The following PSMA5 variants were observed in gnomAD, a reference collection of about 807,000 sequenced individuals.
PSMA5 encodes proteasome 20S subunit alpha 5.
Under a neutral mutation model 34.5 loss-of-function variants are expected in PSMA5, and 3 were observed. The ratio of observed to expected loss-of-function variants is 0.09; its 90% CI spans 0.04 to 0.22. The LOEUF is 0.22. Among genes scored for constraint, PSMA5 ranks in the 10% least tolerant of loss-of-function variants. PSMA5 has a pLI of 1.00. For synonymous variants in PSMA5, 88 were observed against 95.8 expected, an observed-to-expected ratio of 0.92 and a Z score of 0.47; for missense variants, 120 against 286.1, an observed-to-expected ratio of 0.42 and a Z score of 4.19.
intron 2 of PSMA5, among the ~76,000 whole-genome samples, chr1:109,417,028 C>G (rs1654234353): frequency 6.6e-6 from 1 of 152,158 alleles, no homozygotes; most frequent in South Asian, 2.1e-4. Flanking sequence ...CTGCTTGAGC[C>G]CGGGAGGCAG....
At position 109,401,415 on chromosome 1, in the gene PSMA5, A is replaced by G. The variant is rs141226547; in HGVS notation, c.*598T>C. 3 of 152,318 alleles carry G rather than the reference A, an allele frequency of 2.0e-5. No homozygotes were observed. The highest frequency in any genetic ancestry group is 7.2e-5 in the African/African-American group (3 of 41,564). 9.4% of individuals were successfully genotyped at this position (152,318 alleles called of 1,614,324 possible). A position where few individuals can be genotyped will look rare whatever the true frequency, so the allele number is the denominator to read the frequency against. ...GATAGTCAATTAGTAGCATCTCCTT[A>G]TAAGAAAAGCAGCAAAAATACACGT... On this transcript the variant is annotated 3_prime_UTR_variant, in exon 9 of 9. Transcript: ENST00000271308.
At chr1:109,403,450 C>A (rs555141380) in intron 8 of PSMA5, among the ~76,000 whole-genome samples, 21 of 151,444 alleles carry the variant, frequency 1.4e-4, no homozygotes, top group Admixed American at 1.3e-3. Flanking sequence ...ACAGGGAGAC[C>A]CCGTGTCTAC....
chr1:109,422,522 G>A (rs914184907), intron 1 of PSMA5, among the ~76,000 whole-genome samples: 3 of 143,772 alleles, frequency 2.1e-5, no homozygotes, highest in African/African-American at 5.3e-5. Context: ...TCGCTCTGTC[G>A]CTCAGGCGGG....
chr1:109,411,439 G>A (rs925598520), intron 6 of PSMA5, among the ~76,000 whole-genome samples: 15 of 152,026 alleles, frequency 9.9e-5, no homozygotes, highest in Admixed American at 9.2e-4. Context: ...CCTGACTATA[G>A]TAACAAGTTA....
chr1:109,402,010 T>C lies in PSMA5; in HGVS notation c.*3A>G. On this transcript the variant is annotated 3_prime_UTR_variant, in exon 9 of 9. Coordinates refer to ENST00000271308, the MANE Select transcript of PSMA5 (RefSeq NM_002790.4). Reference sequence around the variant, plus strand: ...CCAGAGAAGTTCTGAGGATCAGGATTCCTTAAATGTCCTTGATAACCTCTT... The same window carrying C: ...CCAGAGAAGTTCTGAGGATCAGGATCCCTTAAATGTCCTTGATAACCTCTT... The C allele has an allele frequency of 6.3e-7, 1 of 1,598,388 alleles. No homozygotes were observed. The highest frequency in any genetic ancestry group is 1.7e-5 in the Admixed American group (1 of 59,294).
chr1:109,426,234 G>A (rs950434783), intron 1 of PSMA5, 68 bp downstream of exon 1: 13 of 1,595,120 alleles, frequency 8.1e-6, no homozygotes, highest in African/African-American at 1.3e-5. Context: ...GCAGAACCCA[G>A]GCCGCGCGGC....
chr1:109,405,887 T>C (rs1440198648), intron 8 of PSMA5, among the ~76,000 whole-genome samples: 2 of 151,990 alleles, frequency 1.3e-5, no homozygotes, highest in East Asian at 3.9e-4. Context: ...AGGGGAAAAA[T>C]GGGAACCTGA....
chr1:109,415,166 T>C (rs767806951), intron 3 of PSMA5, 71 bp downstream of exon 3: 203 of 1,490,652 alleles, frequency 1.4e-4, no homozygotes, highest in Non-Finnish European at 1.7e-4. Flanking sequence ...TCATAAACCT[T>C]CCTTGGAACA....
intron 2 of PSMA5, among the ~76,000 whole-genome samples, chr1:109,421,576 CCT>C (rs759204495): frequency 4.0e-5 from 6 of 151,896 alleles, no homozygotes; most frequent in Non-Finnish European, 7.4e-5. Flanking sequence ...GACTTCTGTA[CCT>C]CTCTTTATAG....
At chr1:109,425,468 G>A (rs1654618382) in intron 1 of PSMA5, 1 of 152,132 alleles carries the variant, frequency 6.6e-6, no homozygotes, top group African/African-American at 2.4e-5. Context: ...TAAAAAAGAT[G>A]AAAAAGTGGT....
At chr1:109,407,412 C>T (rs967051958) in intron 8 of PSMA5, among the ~76,000 whole-genome samples, 1 of 152,188 alleles carries the variant, frequency 6.6e-6, no homozygotes. Flanking sequence ...GTCAGTCCTT[C>T]TTAGACTGAC....
At chr1:109,409,188 G>A (rs757340438) in intron 8 of PSMA5, among the ~76,000 whole-genome samples, 26 of 151,974 alleles carry the variant, frequency 1.7e-4, no homozygotes, top group African/African-American at 5.1e-4. Context: ...ACAGAGTCTC[G>A]CTCTATCGCC....
intron 8 of PSMA5, among the ~76,000 whole-genome samples, chr1:109,404,944 A>AAT (rs1653685378): frequency 6.6e-6 from 1 of 152,236 alleles, no homozygotes; most frequent in Non-Finnish European, 1.5e-5. Flanking sequence ...AGGGAGAAGC[A>AAT]ACTTTTGAGT....
intron 2 of PSMA5, among the ~76,000 whole-genome samples, chr1:109,421,459 T>C (rs6537766): frequency 0.046 from 6,253 of 135,306 alleles, 463 homozygotes; most frequent in African/African-American, 0.17. Flanking sequence ...AGAGACTCCA[T>C]CTCAAAAAAA....
rs1557835178 is a variant in PSMA5 at position 109,399,043 on chromosome 1, CAAGTA to C, written c.*2965_*2969del. The C allele has an allele frequency of 6.6e-6, 1 of 152,114 alleles. No individual in the cohort carries two copies. Among genetic ancestry groups the C allele is most frequent in the Non-Finnish European group, 1.5e-5 (1 of 68,014 alleles). The allele number at this position is 152,114 out of a possible 1,614,324, so 9.4% of individuals were successfully genotyped here. ...AATATGCAAGTCATTACACTCAAAG[CAAGTA>C]AAGATTACTTTTAATTATAAACTGG... On this transcript the variant is annotated 3_prime_UTR_variant, in exon 9 of 9. Transcript: ENST00000271308.
intron 8 of PSMA5, among the ~76,000 whole-genome samples, chr1:109,402,880 T>C (rs1653594804): frequency 6.6e-6 from 1 of 152,132 alleles, no homozygotes; most frequent in African/African-American, 2.4e-5. Context: ...TAATTTTGTA[T>C]TTTTAGTAGA....
At chr1:109,426,085 T>TC (rs1357130548) in intron 1 of PSMA5, 4 of 617,344 alleles carry the variant, frequency 6.5e-6, no homozygotes, top group African/African-American at 1.8e-5. Context: ...CCGCACCGAG[T>TC]TAGGACCCAG....
chr1:109,424,098 A>G (rs1368202273), intron 1 of PSMA5, among the ~76,000 whole-genome samples: 2 of 152,042 alleles, frequency 1.3e-5, no homozygotes, highest in African/African-American at 4.8e-5. Context: ...TCCAACCCAC[A>G]ACTATTGATC....
chr1:109,402,106 A>G lies in PSMA5; in HGVS notation c.649-16T>C, dbSNP rs1463733848. ...CTGTGGCTAGCTGGAAAGAAAACAG[A>G]AGGGTTAATAAGCTGGGCTGAGTTA... is the stretch of plus-strand genomic sequence containing the variant. On this transcript the variant is annotated splice_polypyrimidine_tract_variant and intron_variant, in intron 8 of 8. Transcript: ENST00000271308. 1.3e-6 allele frequency: 2 copies of G among 1,596,716 alleles called. No homozygotes were observed. Among genetic ancestry groups the G allele is most frequent in the African/African-American group, 1.3e-5 (1 of 74,328 alleles).
Sources: gnomAD v4.1 joint callset for allele counts (sites outside exome capture counted in the v4.1 genomes callset) on GRCh38, gnomAD v4.1.1 for gene constraint, MANE v1.5 for transcripts, NCBI Gene and HGNC (gene_info 2026-07-23, HGNC 2026-07-21) for gene names.